PRIMPOL: variants seen among roughly 807,000 people sequenced by gnomAD.
PRIMPOL encodes the protein DNA-directed primase/polymerase protein.
A neutral mutation model predicts 63.6 loss-of-function variants in PRIMPOL; 54 were observed. The ratio of observed to expected loss-of-function variants is 0.85; its 90% CI spans 0.68 to 1.07. The LOEUF is 1.07. Ranked by LOEUF, PRIMPOL falls within the 50% of genes least tolerant of loss-of-function variation. PRIMPOL has a pLI of 0.00. For synonymous variants in PRIMPOL, 197 were observed against 220.2 expected (o/e 0.89, Z 0.93); for missense variants, 610 against 648.3 (o/e 0.94, Z 0.64).
At chr4:184,686,898 C>T (rs1579626833) in intron 11 of PRIMPOL, among the ~76,000 whole-genome samples, 1 of 152,264 alleles carries the variant, frequency 6.6e-6, no homozygotes, top group East Asian at 1.9e-4. Context: ...GTGCCACAGC[C>T]AGGGCATAAC....
intron 9 of PRIMPOL, among the ~76,000 whole-genome samples, chr4:184,683,897 A>G (rs1756314515): frequency 6.6e-6 from 1 of 152,232 alleles, no homozygotes; most frequent in Admixed American, 6.5e-5. Flanking sequence ...TGAAGCCTGT[A>G]TAATGTGGAA....
Position 184,661,880 on chromosome 4 carries a change from A to C in PRIMPOL, c.385A>C (p.Lys129Gln). 1 of 1,613,586 alleles carries C rather than the reference A, an allele frequency of 6.2e-7. No homozygotes were observed. The highest frequency in any genetic ancestry group is 8.5e-7 in the Non-Finnish European group (1 of 1,179,590). ...TGCCAACCCAGGAGCTGATGGGAAAAAGATGGTTGCATTACTCATTGAGGT... is the reference window on the plus strand; with the variant it reads ...TGCCAACCCAGGAGCTGATGGGAAACAGATGGTTGCATTACTCATTGAGGT... The part of the protein sequence containing the change: ...KPANPGADGK[K>Q]MVALLIEYVC... Residue 129 changes from lysine (K) to glutamine (Q), a missense_variant, in exon 5 of 14, where the codon AAG (lysine) becomes CAG (glutamine). Transcript: ENST00000314970.
At chr4:184,690,369 T>C (rs1336419353) in intron 11 of PRIMPOL, among the ~76,000 whole-genome samples, 1 of 152,224 alleles carries the variant, frequency 6.6e-6, no homozygotes, top group Non-Finnish European at 1.5e-5. Flanking sequence ...TTAAATCAAT[T>C]TTACCCTAAT....
chr4:184,653,516 T>G (rs1465489589), intron 2 of PRIMPOL, among the ~76,000 whole-genome samples: 5 of 152,190 alleles, frequency 3.3e-5, no homozygotes, highest in African/African-American at 1.2e-4. Flanking sequence ...GAGCCCAATC[T>G]TTTATTTTGT....
chr4:184,650,989 C>T (rs913605195), intron 1 of PRIMPOL, among the ~76,000 whole-genome samples: 5 of 152,074 alleles, frequency 3.3e-5, no homozygotes, highest in Non-Finnish European at 7.4e-5. Context: ...GAGGTTAAGG[C>T]CGAGTTTAAA....
At chr4:184,682,178 C>G (rs1755792276) in intron 8 of PRIMPOL, 70 bp from the exon 9 acceptor site, 1 of 747,724 alleles carries the variant, frequency 1.3e-6, no homozygotes, top group South Asian at 1.8e-5. Flanking sequence ...ATTCAGTGTC[C>G]TTTCTGTAGC....
intron 2 of PRIMPOL, among the ~76,000 whole-genome samples, chr4:184,654,436 A>G (rs1161205988): frequency 6.8e-6 from 1 of 147,906 alleles, no homozygotes; most frequent in African/African-American, 2.5e-5. Context: ...ATCACTTTGT[A>G]TTGACAAGTT....
At chr4:184,675,570 A>G (rs1753077521) in intron 7 of PRIMPOL, among the ~76,000 whole-genome samples, 1 of 152,156 alleles carries the variant, frequency 6.6e-6, no homozygotes, top group African/African-American at 2.4e-5. Context: ...TAATCCCAAC[A>G]CTTTAGGAGG....
At chr4:184,666,176 T>C in intron 6 of PRIMPOL, 112 bp downstream of exon 6, 1 of 808,266 alleles carries the variant, frequency 1.2e-6, no homozygotes, top group Non-Finnish European at 1.8e-6. Flanking sequence ...TAACTTATCC[T>C]AAAAAATGCG....
At chr4:184,678,421 T>G in intron 8 of PRIMPOL, 27 bp downstream of exon 8, 1 of 1,538,502 alleles carries the variant, frequency 6.5e-7, no homozygotes, top group Non-Finnish European at 8.8e-7. Flanking sequence ...TCAAACCATT[T>G]TGTATTCATG....
intron 5 of PRIMPOL, among the ~76,000 whole-genome samples, chr4:184,664,386 T>C (rs1208856637): frequency 6.6e-6 from 1 of 152,242 alleles, no homozygotes; most frequent in African/African-American, 2.4e-5. Context: ...TACGTTAGGA[T>C]AGATTTAGCT....
intron 11 of PRIMPOL, among the ~76,000 whole-genome samples, chr4:184,686,497 G>A (rs1295030052): frequency 1.3e-5 from 2 of 152,180 alleles, no homozygotes; most frequent in South Asian, 2.1e-4. Flanking sequence ...ATATATGCCA[G>A]GCCCTGTTTT....
At chr4:184,658,967 C>G (rs756440834) in intron 3 of PRIMPOL, among the ~76,000 whole-genome samples, 22 of 150,188 alleles carry the variant, frequency 1.5e-4, no homozygotes, top group Middle Eastern at 3.5e-3. Flanking sequence ...ATTTACTAAT[C>G]AATTTTAGCC....
At position 184,678,280 on chromosome 4, in the gene PRIMPOL, T is replaced by C. The variant is rs1395651823; in HGVS notation, c.893T>C (p.Ile298Thr). The C allele has an allele frequency of 1.2e-6, 2 of 1,601,166 alleles. No homozygotes were observed. Among genetic ancestry groups the C allele is most frequent in the African/African-American group, 1.3e-5 (1 of 74,404 alleles). ...TTTCGGCTATATAAATCATCAAAAATTGGAAAGCGTGTGGCTTTGGAGGTT... is the reference window on the plus strand; with the variant it reads ...TTTCGGCTATATAAATCATCAAAAACTGGAAAGCGTGTGGCTTTGGAGGTT... Reference protein sequence around the residue: ...RNFRLYKSSKIGKRVALEVTE... With the variant: ...RNFRLYKSSKTGKRVALEVTE... The change falls in exon 8 of 14, where the codon ATT becomes ACT. Residue 298 changes from isoleucine (I) to threonine (T), a missense_variant. Transcript: ENST00000314970.
At chr4:184,673,464 C>CG (rs1752451487) in intron 7 of PRIMPOL, among the ~76,000 whole-genome samples, 2 of 122,958 alleles carry the variant, frequency 1.6e-5, no homozygotes, top group Admixed American at 9.8e-5. Context: ...CTCGCTCTGT[C>CG]ACCAGGCTGG....
At chr4:184,673,487 C>T (rs1201449293) in intron 7 of PRIMPOL, among the ~76,000 whole-genome samples, 3 of 144,302 alleles carry the variant, frequency 2.1e-5, no homozygotes, top group Admixed American at 7.3e-5. Flanking sequence ...TGTGGTGGCA[C>T]GATCTTGGCT....
chr4:184,666,911 A>T (rs888095527), intron 6 of PRIMPOL, among the ~76,000 whole-genome samples: 1 of 152,226 alleles, frequency 6.6e-6, no homozygotes, highest in African/African-American at 2.4e-5. Flanking sequence ...ACATAGTTAG[A>T]ATGGGAACAC....
intron 6 of PRIMPOL, among the ~76,000 whole-genome samples, chr4:184,667,805 C>T (rs1439743475): frequency 6.6e-6 from 1 of 152,124 alleles, no homozygotes; most frequent in Non-Finnish European, 1.5e-5. Flanking sequence ...AGGTTATACC[C>T]CATCCCCTTC....
chr4:184,651,840 G>T (rs1744607330), intron 1 of PRIMPOL, among the ~76,000 whole-genome samples, 183 bp from the exon 2 acceptor site: 1 of 152,144 alleles, frequency 6.6e-6, no homozygotes, highest in African/African-American at 2.4e-5. Flanking sequence ...GTAGAGATGG[G>T]GTTTCACCAT....
Sources: allele counts gnomAD v4.1 joint callset (sites outside exome capture counted in the v4.1 genomes callset), GRCh38; gene constraint gnomAD v4.1.1; transcripts MANE v1.5; gene names NCBI Gene and HGNC (gene_info 2026-07-23, HGNC 2026-07-21).